The following TPTE variants were observed in gnomAD, a reference collection of about 807,000 sequenced individuals.
TPTE encodes transmembrane phosphatase with tensin homology.
Under a neutral mutation model 84.1 loss-of-function variants are expected in TPTE, and 59 were observed. The observed-to-expected ratio is 0.70, with a 90% CI of 0.57 to 0.87. The LOEUF is 0.87. Ranked by LOEUF, TPTE falls within the 40% of genes least tolerant of loss-of-function variation. The probability of loss-of-function intolerance (pLI) is 0.00; values close to 1 mark genes in which losing one functional copy is unlikely to be tolerated. For missense variants in TPTE, 382 were observed against 659.6 expected (o/e 0.58, Z 4.61); for synonymous variants, 130 against 223.5 (o/e 0.58, Z 3.73).
chr21:10,545,016 C>G (rs1568962679), intron 7 of TPTE, among the ~76,000 whole-genome samples: 1 of 152,300 alleles, frequency 6.6e-6, no homozygotes, highest in Non-Finnish European at 1.5e-5. Flanking sequence ...GATTAATGTC[C>G]GTTTTTCAGG....
chr21:10,549,489 T>A (rs987002800), intron 7 of TPTE, among the ~76,000 whole-genome samples: 10 of 152,294 alleles, frequency 6.6e-5, no homozygotes, highest in African/African-American at 2.4e-4. Flanking sequence ...TCAGTAAAGA[T>A]ACAGATATCA....
intron 14 of TPTE, 82 bp from the exon 15 acceptor site, chr21:10,577,378 A>C: frequency 3.7e-6 from 6 of 1,612,198 alleles, no homozygotes; most frequent in Non-Finnish European, 5.1e-6. Context: ...TAATAAAAGT[A>C]ATAACCATTT....
chr21:10,560,272 C>T (rs1312254472), intron 9 of TPTE, among the ~76,000 whole-genome samples: 2 of 152,430 alleles, frequency 1.3e-5, no homozygotes, highest in East Asian at 3.8e-4. Flanking sequence ...TACTTAGACT[C>T]TTCTCTACAT....
intron 3 of TPTE, among the ~76,000 whole-genome samples, chr21:10,537,276 G>A (rs1600863337): frequency 6.6e-6 from 1 of 152,428 alleles, no homozygotes; most frequent in East Asian, 1.9e-4. Context: ...AGTCCAGAAT[G>A]TCATATTGGT....
chr21:10,546,689 G>T (rs2145632752), intron 7 of TPTE, among the ~76,000 whole-genome samples: 1 of 152,430 alleles, frequency 6.6e-6, no homozygotes, highest in South Asian at 2.1e-4. Flanking sequence ...GTAGTGGTCT[G>T]GATAAAGGAT....
chr21:10,526,216 C>T (rs551438523), intron 2 of TPTE, among the ~76,000 whole-genome samples: 1 of 152,308 alleles, frequency 6.6e-6, no homozygotes, highest in Non-Finnish European at 1.5e-5. Context: ...CATGAGAACA[C>T]CCACTTAGAA....
intron 5 of TPTE, 140 bp from the exon 6 acceptor site, chr21:10,542,255 T>C: frequency 9.4e-7 from 1 of 1,065,588 alleles, no homozygotes; most frequent in East Asian, 2.7e-5. Context: ...GGAAAAGACA[T>C]TCCAGGTTCC....
At chr21:10,542,607 T>C (rs1285316914) in intron 6 of TPTE, among the ~76,000 whole-genome samples, 159 bp downstream of exon 6, 1 of 152,062 alleles carries the variant, frequency 6.6e-6, no homozygotes, top group Non-Finnish European at 1.5e-5. Flanking sequence ...ATCCATCCAT[T>C]CATCCATCCA....
intron 7 of TPTE, among the ~76,000 whole-genome samples, chr21:10,544,418 G>A (rs551268645): frequency 0.018 from 2,737 of 151,168 alleles, no homozygotes; most frequent in African/African-American, 0.065. Flanking sequence ...ATGAAGTCTC[G>A]CTGTTGCCCA....
intron 20 of TPTE, 93 bp from the exon 21 acceptor site, chr21:10,597,922 T>A: frequency 6.7e-7 from 1 of 1,493,970 alleles, no homozygotes; most frequent in Non-Finnish European, 9.2e-7. Flanking sequence ...CTTGGATAAT[T>A]TTTTCTCATT....
At chr21:10,593,386 T>G (rs1472206647) in intron 19 of TPTE, among the ~76,000 whole-genome samples, 8 of 152,288 alleles carry the variant, frequency 5.3e-5, no homozygotes, top group Non-Finnish European at 1.0e-4. Context: ...CTTTGAAAAT[T>G]TAGTTTGTTT....
At chr21:10,573,686 A>C (rs2075091274) in intron 14 of TPTE, among the ~76,000 whole-genome samples, 1 of 152,312 alleles carries the variant, frequency 6.6e-6, no homozygotes, top group African/African-American at 2.4e-5. Flanking sequence ...TACCTTATAA[A>C]TATGAACAAG....
At chr21:10,546,195 T>C (rs1477364208) in intron 7 of TPTE, among the ~76,000 whole-genome samples, 4 of 152,310 alleles carry the variant, frequency 2.6e-5, no homozygotes, top group Non-Finnish European at 5.9e-5. Context: ...TTCCAAACTT[T>C]TTATTATCAT....
At chr21:10,540,312 G>A (rs1248732082) in intron 4 of TPTE, among the ~76,000 whole-genome samples, 1 of 152,310 alleles carries the variant, frequency 6.6e-6, no homozygotes, top group South Asian at 2.1e-4. Context: ...GGCATCCATG[G>A]GAACAAGGAG....
At chr21:10,568,468 C>CTT (rs112452013) in intron 11 of TPTE, among the ~76,000 whole-genome samples, 1 of 150,676 alleles carries the variant, frequency 6.6e-6, no homozygotes, top group Non-Finnish European at 1.5e-5. Context: ...CCTGGTGACT[C>CTT]TTTTTTTACT....
At chr21:10,559,419 C>G (rs1050920041) in intron 8 of TPTE, 75 bp from the exon 9 acceptor site, 2 of 1,591,048 alleles carry the variant, frequency 1.3e-6, no homozygotes, top group African/African-American at 2.7e-5. Flanking sequence ...TTTATAAGGG[C>G]CTTTGTTTTT....
chr21:10,548,632 C>G (rs1427416794), intron 7 of TPTE, among the ~76,000 whole-genome samples: 1 of 152,312 alleles, frequency 6.6e-6, no homozygotes, highest in Non-Finnish European at 1.5e-5. Context: ...GACTGTATCC[C>G]AGGCCTGAGA....
In TPTE at chr21:10,566,358, A is replaced by T. The variant is rs534908665; in HGVS notation, c.447-1312A>T. The stretch of plus-strand genomic sequence containing the variant: ...TTATATCCAAAAGTCAGGCAATAAC[A>T]AATCCTGACAAAGATGTGAAGATAA... On this transcript the variant is annotated intron_variant, in intron 10 of 23. Coordinates refer to ENST00000618007, the MANE Select transcript of TPTE (RefSeq NM_199261.4). Among the ~76,000 whole-genome samples the T allele has an allele frequency of 2.5e-4, 38 of 152,412 alleles. No homozygotes were observed. The South Asian group carries it at 3.1e-3, about 12-fold the overall frequency.
intron 21 of TPTE, among the ~76,000 whole-genome samples, chr21:10,601,430 G>C (rs1978489656): frequency 6.6e-6 from 1 of 152,310 alleles, no homozygotes; most frequent in Non-Finnish European, 1.5e-5. Context: ...CTGAACCTGG[G>C]AGGCAGAAGT....
Sources: allele counts gnomAD v4.1 joint callset (sites outside exome capture counted in the v4.1 genomes callset), GRCh38; gene constraint gnomAD v4.1.1; transcripts MANE v1.5; gene names NCBI Gene and HGNC (gene_info 2026-07-23, HGNC 2026-07-21).